GNE: variants seen among roughly 807,000 people sequenced by gnomAD.
GNE encodes bifunctional UDP-N-acetylglucosamine 2-epimerase/N-acetylmannosamine kinase.
GNE carries 41 observed loss-of-function variants against 61.8 expected under a neutral mutation model. The observed-to-expected ratio is 0.66, with a 90% CI of 0.52 to 0.86. The LOEUF (loss-of-function observed/expected upper bound fraction) is 0.86, where lower values mean the gene tolerates loss of function less well. Among genes scored for constraint, GNE ranks in the 40% least tolerant of loss-of-function variants. GNE has a pLI of 0.00. For synonymous variants in GNE, 264 were observed against 326.4 expected (o/e 0.81, Z 2.06); for missense variants, 608 against 909.1 (o/e 0.67, Z 4.26).
intron 5 of GNE, among the ~76,000 whole-genome samples, chr9:36,232,285 C>T (rs1829191625): frequency 6.6e-6 from 1 of 152,122 alleles, no homozygotes; most frequent in African/African-American, 2.4e-5. Flanking sequence ...CTCATCTGAG[C>T]AACTGAATCA....
chr9:36,227,523 G>A lies in GNE; in HGVS notation c.1071-65C>T, dbSNP rs951402888. ...CCATACATGTTAAGTGGTAGTGAGG[G>A]TATAATGTAATGGAAACTGAGACTT... On this transcript the variant is annotated intron_variant, in intron 6 of 11. Transcript: ENST00000642385. 3.0e-6 allele frequency: 3 copies of A among 1,008,864 alleles called. No individual in the cohort carries two copies. In the African/African-American group the frequency reaches 4.8e-5, roughly 16 times the overall value. 62.5% of individuals were successfully genotyped at this position (1,008,864 alleles called of 1,614,324 possible). A position where few individuals can be genotyped will look rare whatever the true frequency, so the allele number is the denominator to read the frequency against.
intron 7 of GNE, among the ~76,000 whole-genome samples, chr9:36,226,993 G>A (rs978753060): frequency 2.0e-5 from 3 of 152,152 alleles, no homozygotes; most frequent in African/African-American, 7.2e-5. Context: ...GCAAAAGCCC[G>A]ATCTGATGCC....
At chr9:36,226,249 TG>T (rs1279868156) in intron 7 of GNE, among the ~76,000 whole-genome samples, 4 of 152,162 alleles carry the variant, frequency 2.6e-5, no homozygotes, top group Non-Finnish European at 5.9e-5. Flanking sequence ...CTTGGCTCAC[TG>T]TAATCTCCAC....
intron 6 of GNE, among the ~76,000 whole-genome samples, chr9:36,228,519 G>A (rs1029596321): frequency 4.6e-5 from 7 of 151,926 alleles, no homozygotes; most frequent in Admixed American, 6.6e-5. Context: ...AAGGCTGGGC[G>A]CAGTGACTCA....
intron 10 of GNE, among the ~76,000 whole-genome samples, chr9:36,219,287 G>A (rs1274547154): frequency 6.6e-6 from 1 of 151,816 alleles, no homozygotes; most frequent in Non-Finnish European, 1.5e-5. Flanking sequence ...ATGCCCTCTC[G>A]TGGACCCTCT....
intron 6 of GNE, among the ~76,000 whole-genome samples, 174 bp downstream of exon 6, chr9:36,228,847 G>C (rs923091956): frequency 2.0e-5 from 3 of 150,936 alleles, no homozygotes; most frequent in Middle Eastern, 3.2e-3. Context: ...TGGAACCTTT[G>C]GAACAGTAAT....
chr9:36,270,764 A>G (rs552655809), intron 1 of GNE, among the ~76,000 whole-genome samples: 2 of 151,914 alleles, frequency 1.3e-5, no homozygotes, highest in Non-Finnish European at 2.9e-5. Context: ...TGATCCGCCC[A>G]CCTCAGCCTC....
In GNE at chr9:36,216,332, T is replaced by TGTGTGTGTGTGC. The variant is rs754277292; in HGVS notation, c.*1032_*1033insGCACACACACAC. 6 of 411,760 alleles carry TGTGTGTGTGTGC rather than the reference T, an allele frequency of 1.5e-5. No homozygotes were observed. The highest frequency in any genetic ancestry group is 6.6e-5 in the South Asian group (4 of 60,518). 25.5% of individuals were successfully genotyped at this position (411,760 alleles called of 1,614,324 possible). On this transcript the variant is annotated 3_prime_UTR_variant, in exon 12 of 12. Transcript: ENST00000642385. ...TTGGGGTTAGAGGAGGAAGGATGTGTGTGTGTGTGTGTGTGTGTGTGTAGA... is the reference window on the plus strand; with the variant it reads ...TTGGGGTTAGAGGAGGAAGGATGTGTGTGTGTGTGTGCGTGTGTGTGTGTGTGTGTGTGTAGA...
intron 3 of GNE, among the ~76,000 whole-genome samples, chr9:36,239,471 C>T (rs751502068): frequency 6.6e-6 from 1 of 151,256 alleles, no homozygotes; most frequent in African/African-American, 2.4e-5. Context: ...CTTTCTTTTT[C>T]TCTCTTTTTT....
upstream of GNE, among the ~76,000 whole-genome samples, chr9:36,261,374 T>G (rs1398304528): frequency 6.9e-6 from 1 of 144,044 alleles, no homozygotes; most frequent in Non-Finnish European, 1.5e-5. Context: ...CTGGCCAACA[T>G]GGTGACACCC....
chr9:36,221,862 T>G (rs548938201), intron 9 of GNE, among the ~76,000 whole-genome samples: 14 of 152,200 alleles, frequency 9.2e-5, no homozygotes, highest in East Asian at 7.7e-4. Flanking sequence ...CTTTCTGGTG[T>G]TGTAACCTAC....
intron 4 of GNE, among the ~76,000 whole-genome samples, chr9:36,235,760 G>A (rs1829364108): frequency 6.6e-6 from 1 of 152,036 alleles, no homozygotes; most frequent in Admixed American, 6.6e-5. Context: ...TTCTTCAAGG[G>A]AATACTAAGA....
chr9:36,225,600 A>C (rs1159537344), intron 7 of GNE, among the ~76,000 whole-genome samples: 1 of 152,182 alleles, frequency 6.6e-6, no homozygotes. Flanking sequence ...ACGCCACTGC[A>C]CTCCAGCCTG....
At chr9:36,260,671 C>A (rs1297976678), upstream of GNE, among the ~76,000 whole-genome samples, 18 of 151,960 alleles carry the variant, frequency 1.2e-4, no homozygotes, top group African/African-American at 4.3e-4. Flanking sequence ...AGATCGAGAC[C>A]ATCCTGGCTA....
rs376684105 is a variant in GNE, at chr9:36,235,632, AAAG to A, written c.769+1197_769+1199del. Among the ~76,000 whole-genome samples, 1,087 of 152,354 alleles carry A rather than the reference AAAG, an allele frequency of 7.1e-3. 3 individuals are homozygous for A. Among genetic ancestry groups the A allele is most frequent in the Non-Finnish European group, 0.011 (767 of 68,028 alleles). ...ATTTATAAAAAATTTAAAGGTCAGA[AAAG>A]AATAAATATTAACATTTTTGAAATA... On this transcript the variant is annotated intron_variant, in intron 4 of 11. Coordinates refer to ENST00000642385, the MANE Select transcript of GNE (RefSeq NM_005476.7).
chr9:36,259,990 G>A (rs774304738), upstream of GNE, among the ~76,000 whole-genome samples: 9 of 152,088 alleles, frequency 5.9e-5, no homozygotes, highest in Non-Finnish European at 1.2e-4. Context: ...CACACTGGCT[G>A]CTCTGTGGAG....
intron 2 of GNE, among the ~76,000 whole-genome samples, chr9:36,247,214 G>A (rs1185057541): frequency 1.3e-5 from 2 of 151,776 alleles, no homozygotes; most frequent in Non-Finnish European, 2.9e-5. Flanking sequence ...GTGCCATCAC[G>A]CCCAGCTAAT....
intron 1 of GNE, among the ~76,000 whole-genome samples, chr9:36,269,575 A>AT (rs1830942699): frequency 6.6e-6 from 1 of 152,108 alleles, no homozygotes; most frequent in African/African-American, 2.4e-5. Context: ...TCATATTTTA[A>AT]TCTTCGCTCT....
chr9:36,271,029 C>T (rs571833068), intron 1 of GNE, among the ~76,000 whole-genome samples: 3 of 152,200 alleles, frequency 2.0e-5, no homozygotes, highest in East Asian at 1.9e-4. Flanking sequence ...GCTTTCATCT[C>T]GTTAAGACTT....
Sources: gnomAD v4.1 joint callset for allele counts (sites outside exome capture counted in the v4.1 genomes callset) on GRCh38, gnomAD v4.1.1 for gene constraint, MANE v1.5 for transcripts, NCBI Gene and HGNC (gene_info 2026-07-23, HGNC 2026-07-21) for gene names.